The following PRL variants were observed in gnomAD, a reference collection of about 807,000 sequenced individuals.
PRL encodes decidual prolactin.
Under a neutral mutation model 21.3 loss-of-function variants are expected in PRL, and 24 were observed. That is an observed-to-expected ratio of 1.13 (90% CI 0.82 to 1.59). The LOEUF is 1.59. PRL is among the 40% of genes most tolerant of loss of function. The probability of loss-of-function intolerance (pLI) is 0.00; values close to 1 mark genes in which losing one functional copy is unlikely to be tolerated. For synonymous variants in PRL, 118 were observed against 115.7 expected (o/e 1.02, Z -0.13); for missense variants, 243 against 286.9 (o/e 0.85, Z 1.10).
chr6:22,290,073 G>T (rs1761013356), intron 4 of PRL, 101 bp downstream of exon 4: 2 of 1,169,908 alleles, frequency 1.7e-6, no homozygotes, highest in Non-Finnish European at 2.3e-6. Context: ...CTATAATATG[G>T]AATGCCTAAA....
chr6:22,299,083 C>T (rs967290813), upstream of PRL, among the ~76,000 whole-genome samples: 2 of 152,136 alleles, frequency 1.3e-5, no homozygotes, highest in Admixed American at 6.5e-5. Context: ...TCATAGTTGT[C>T]CTAATTCTTC....
At chr6:22,289,906 A>G (rs1206389753) in intron 4 of PRL, among the ~76,000 whole-genome samples, 1 of 152,220 alleles carries the variant, frequency 6.6e-6, no homozygotes, top group Admixed American at 6.5e-5. Flanking sequence ...CCTTGAAAAC[A>G]CTTAACTTCT....
At position 22,294,485 on chromosome 6, in the gene PRL, A is replaced by C; in HGVS notation, c.128T>G (p.Leu43Arg). 2 of 1,614,160 alleles carry C rather than the reference A, an allele frequency of 1.2e-6. No homozygotes were observed. Among genetic ancestry groups the C allele is most frequent in the Non-Finnish European group, 1.7e-6 (2 of 1,180,030 alleles). The change falls in exon 2 of 5, where the codon CTT becomes CGT. Residue 43 changes from leucine (L) to arginine (R), a missense_variant. Coordinates refer to ENST00000306482, the MANE Select transcript of PRL (RefSeq NM_000948.6). ...PGGAARCQVTLRDLFDRAVVL... is the reference protein window; with the variant it reads ...PGGAARCQVTRRDLFDRAVVL... The stretch of plus-strand genomic sequence containing the variant: ...GACGGCGCGGTCAAACAGGTCTCGA[A>C]GGGTCACCTGGCATCGGGCAGCCCC...
chr6:22,292,546 G>C lies in PRL; in HGVS notation c.304C>G (p.Gln102Glu). 1.2e-6 allele frequency: 2 copies of C among 1,613,948 alleles called. No homozygotes were observed. The highest frequency in any genetic ancestry group is 1.7e-6 in the Non-Finnish European group (2 of 1,179,906). ...CTGGATGAAGGACTCACATTCATCT[G>C]TTGGGCTTGCTCCTTGTCTTCGGGG... ...ATPEDKEQAQ[Q>E]MNQKDFLSLI... is the part of the protein sequence containing the mutation. Residue 102 changes from glutamine (Q) to glutamate (E), a missense_variant, in exon 3 of 5, where the codon CAG becomes GAG. By Grantham distance (29) the Gln-to-Glu change is conservative. Transcript: ENST00000306482.
chr6:22,288,220 G>T lies in PRL; in HGVS notation c.493-627C>A, dbSNP rs938752155. Among the ~76,000 whole-genome samples the T allele has an allele frequency of 6.6e-6, 1 of 152,064 alleles. No homozygotes were observed. Among genetic ancestry groups the T allele is most frequent in the African/African-American group, 2.4e-5 (1 of 41,404 alleles). On this transcript the variant is annotated intron_variant, in intron 4 of 4. Coordinates refer to ENST00000306482, the MANE Select transcript of PRL (RefSeq NM_000948.6). The surrounding 1 kb of genome is among the most constrained non-coding windows in gnomAD (Gnocchi z 4.5). ...TTCTTTTGAGGTCCCTGGGCTGGGA[G>T]GTGCCGGGAAAAGCACCTACAAGGA...
chr6:22,292,082 T>G (rs576485722), intron 3 of PRL, among the ~76,000 whole-genome samples: 1 of 152,078 alleles, frequency 6.6e-6, no homozygotes, highest in South Asian at 2.1e-4. Flanking sequence ...AGAACCAGAG[T>G]AGAGTCTTGA....
chr6:22,296,905 C>A, intron 1 of PRL, 50 bp downstream of exon 1: 1 of 1,587,174 alleles, frequency 6.3e-7, no homozygotes, highest in Non-Finnish European at 8.6e-7. Context: ...CATTAATCCC[C>A]CCACAGGAGT....
chr6:22,297,959 C>A (rs1581389818), upstream of PRL, among the ~76,000 whole-genome samples: 2 of 152,196 alleles, frequency 1.3e-5, no homozygotes, highest in Admixed American at 6.5e-5. Context: ...GAAATGAATT[C>A]TCTTGTAAAC....
At chr6:22,299,630 G>A (rs1169952529), upstream of PRL, among the ~76,000 whole-genome samples, 1 of 152,134 alleles carries the variant, frequency 6.6e-6, no homozygotes, top group Non-Finnish European at 1.5e-5. Context: ...CAAGAGATCA[G>A]GAGTTCGACA....
chr6:22,289,800 G>A (rs1361276262), intron 4 of PRL, among the ~76,000 whole-genome samples: 3 of 152,240 alleles, frequency 2.0e-5, no homozygotes, highest in South Asian at 2.1e-4. Flanking sequence ...ATCCTCTGGC[G>A]AGGGGAGAAA....
upstream of PRL, among the ~76,000 whole-genome samples, chr6:22,299,145 T>C (rs1761236291): frequency 6.6e-6 from 1 of 152,268 alleles, no homozygotes; most frequent in Non-Finnish European, 1.5e-5. Flanking sequence ...ATGTGCTTTC[T>C]TGCCAGGCTT....
At chr6:22,290,103 A>G (rs1352124371) in intron 4 of PRL, 71 bp downstream of exon 4, 3 of 1,355,530 alleles carry the variant, frequency 2.2e-6, no homozygotes, top group Admixed American at 2.4e-5. Context: ...TTCAAAGGGA[A>G]ATATTTATCA....
upstream of PRL, among the ~76,000 whole-genome samples, chr6:22,302,436 TA>T (rs1247401739): frequency 6.6e-6 from 1 of 152,136 alleles, no homozygotes. Context: ...TCAGTTTCTC[TA>T]AAAATGGCAA....
chr6:22,302,127 A>G (rs1029271106), upstream of PRL, among the ~76,000 whole-genome samples: 9 of 152,180 alleles, frequency 5.9e-5, no homozygotes, highest in African/African-American at 1.2e-4. Flanking sequence ...AAAATGGTTT[A>G]TATCTGAGAA....
At chr6:22,290,489 G>T in intron 3 of PRL, 136 bp from the exon 4 acceptor site, 1 of 653,644 alleles carries the variant, frequency 1.5e-6, no homozygotes, top group Non-Finnish European at 2.2e-6. Context: ...TTCTTTAGGT[G>T]AGAGAATTTG....
intron 1 of PRL, 141 bp downstream of exon 1, chr6:22,296,814 A>C (rs1761185351): frequency 1.2e-6 from 1 of 849,100 alleles, no homozygotes; most frequent in East Asian, 2.7e-5. Context: ...TGCCCTTGTA[A>C]AATTGCTTTC....
upstream of PRL, among the ~76,000 whole-genome samples, chr6:22,300,629 T>G (rs959327813): frequency 1.3e-5 from 2 of 152,248 alleles, no homozygotes; most frequent in Admixed American, 1.3e-4. Context: ...CTTTTAACAA[T>G]AATAAGACAT....
At chr6:22,295,340 G>A (rs1761151590) in intron 1 of PRL, among the ~76,000 whole-genome samples, 1 of 152,140 alleles carries the variant, frequency 6.6e-6, no homozygotes, top group Non-Finnish European at 1.5e-5. Flanking sequence ...GTGGGTGAGA[G>A]AGGCATGATG....
chr6:22,290,436 T>C (rs995517813), intron 3 of PRL, 83 bp from the exon 4 acceptor site: 270 of 1,139,830 alleles, frequency 2.4e-4, no homozygotes, highest in Non-Finnish European at 2.8e-4. Context: ...TTAGAGAGGC[T>C]GTACTGAAAT....
Sources: gnomAD v4.1 joint callset for allele counts (sites outside exome capture counted in the v4.1 genomes callset) on GRCh38, gnomAD v4.1.1 for gene constraint, Gnocchi (gnomAD v3.1) non-coding constraint, MANE v1.5 for transcripts, NCBI Gene and HGNC (gene_info 2026-07-23, HGNC 2026-07-21) for gene names.